Variants in MAN1A1 observed in about 807,000 individuals in gnomAD.
The protein encoded by MAN1A1 is mannosidase alpha class 1A member 1, also known as mannosyl-oligosaccharide 1,2-alpha-mannosidase IA.
MAN1A1 carries 29 observed loss-of-function variants against 70.8 expected under a neutral mutation model. The observed-to-expected ratio is 0.41, with a 90% CI of 0.31 to 0.56. The LOEUF (loss-of-function observed/expected upper bound fraction) is 0.56. MAN1A1 is among the 20% of genes least tolerant of loss of function. MAN1A1 has a pLI of 0.29. For missense variants in MAN1A1, 747 were observed against 841.3 expected, an observed-to-expected ratio of 0.89 and a Z score of 1.39; for synonymous variants, 349 against 330.1, an observed-to-expected ratio of 1.06 and a Z score of -0.62.
At chr6:119,268,922 T>C (rs1036340068) in intron 5 of MAN1A1, among the ~76,000 whole-genome samples, 2 of 152,158 alleles carry the variant, frequency 1.3e-5, no homozygotes, top group Non-Finnish European at 2.9e-5. Context: ...GAGTAGGCCA[T>C]AGACAAACTA....
chr6:119,220,342 T>C (rs1774325546), intron 6 of MAN1A1, among the ~76,000 whole-genome samples: 1 of 152,112 alleles, frequency 6.6e-6, no homozygotes, highest in Non-Finnish European at 1.5e-5. Context: ...ACTTGGTGAG[T>C]TTAAAGATAC....
chr6:119,219,199 A>G (rs1774289918), intron 6 of MAN1A1, among the ~76,000 whole-genome samples: 1 of 151,166 alleles, frequency 6.6e-6, no homozygotes, highest in Non-Finnish European at 1.5e-5. Context: ...TTTTTTCTTT[A>G]TAGAGATTTA....
intron 6 of MAN1A1, among the ~76,000 whole-genome samples, chr6:119,218,846 C>G (rs1420377594): frequency 6.6e-6 from 1 of 152,126 alleles, no homozygotes; most frequent in African/African-American, 2.4e-5. Context: ...CAACCTTGAA[C>G]TGGAATAACT....
intron 8 of MAN1A1, among the ~76,000 whole-genome samples, chr6:119,199,830 TAGCTTGAGCCC>T (rs1271413689): frequency 2.0e-5 from 3 of 151,554 alleles, no homozygotes; most frequent in Non-Finnish European, 4.4e-5. Context: ...GGTGGGAAGA[TAGCTTGAGCCC>T]AGCTTGAGCC....
intron 11 of MAN1A1, among the ~76,000 whole-genome samples, chr6:119,184,727 C>A (rs1300388319): frequency 1.3e-5 from 2 of 151,468 alleles, no homozygotes; most frequent in Non-Finnish European, 2.9e-5. Flanking sequence ...CCCCCTAAAG[C>A]CAAAAAAAAA....
chr6:119,331,938 G>A (rs1773328128), intron 2 of MAN1A1: 3 of 509,676 alleles, frequency 5.9e-6, no homozygotes, highest in African/African-American at 1.9e-5. Context: ...AGACAGACCT[G>A]GATTTCAACC....
intron 2 of MAN1A1, among the ~76,000 whole-genome samples, chr6:119,313,394 C>T (rs894559413): frequency 6.6e-6 from 1 of 152,170 alleles, no homozygotes; most frequent in Non-Finnish European, 1.5e-5. Context: ...AAAAAGCCCT[C>T]TAGCCATGAT....
chr6:119,236,887 T>C (rs1325376788), intron 6 of MAN1A1, among the ~76,000 whole-genome samples: 1 of 130,170 alleles, frequency 7.7e-6, no homozygotes, highest in Non-Finnish European at 1.7e-5. Context: ...TTGTAATTTA[T>C]GGGAGGAAGT....
In MAN1A1 at chr6:119,348,515, C is replaced by A. The variant is rs768644284; in HGVS notation, c.551G>T (p.Ser184Ile). The A allele has an allele frequency of 1.2e-6, 2 of 1,611,500 alleles. No individual in the cohort carries two copies. The highest frequency in any genetic ancestry group is 2.7e-5 in the African/African-American group (2 of 74,872). The change falls in exon 2 of 13, where the codon AGC becomes ATC. Residue 184 changes from serine (S) to isoleucine (I), a missense_variant. Physicochemically the swap from Ser to Ile is moderately radical, Grantham distance 142. Transcript: ENST00000368468. The stretch of plus-strand genomic sequence containing the variant: ...GATGGCGGCGTCGGCGGGCTCCCGG[C>A]TCTCCACCCCGATTGGGGGCACGAA... ...VDFVPPIGVESREPADAAIRE... is the reference protein window; with the variant it reads ...VDFVPPIGVEIREPADAAIRE...
chr6:119,255,691 A>C (rs1447326019), intron 5 of MAN1A1, among the ~76,000 whole-genome samples: 1 of 152,154 alleles, frequency 6.6e-6, no homozygotes, highest in Non-Finnish European at 1.5e-5. Context: ...CTGATGTGGG[A>C]TGGTTTACTG....
chr6:119,227,486 T>C (rs1440535298), intron 6 of MAN1A1, among the ~76,000 whole-genome samples: 1 of 152,220 alleles, frequency 6.6e-6, no homozygotes, highest in Non-Finnish European at 1.5e-5. Context: ...TTCATTGTTT[T>C]GTTTGTTTTT....
rs569954263 is a variant in MAN1A1 at position 119,179,882 on chromosome 6, G to A, written c.1899C>T (p.Ser633=). 51 of 1,611,594 alleles carry A rather than the reference G, an allele frequency of 3.2e-5. No homozygotes were observed. Among genetic ancestry groups the A allele is most frequent in the East Asian group, 6.7e-5 (3 of 44,850 alleles). ...LLPLEHWIFN[S]EAHLLPILPK... ...GGAGGATAGGGAGAAGATGTGCCTCGCTATTGAAGATCCAATGCTCCAGTG... is the reference window on the plus strand; with the variant it reads ...GGAGGATAGGGAGAAGATGTGCCTCACTATTGAAGATCCAATGCTCCAGTG... The change falls in exon 13 of 13, where the codon AGC becomes AGT. Residue 633 remains serine (S), a synonymous_variant. Transcript: ENST00000368468.
chr6:119,321,049 T>C (rs552456017), intron 2 of MAN1A1, among the ~76,000 whole-genome samples: 3 of 152,368 alleles, frequency 2.0e-5, no homozygotes, highest in Admixed American at 6.5e-5. Flanking sequence ...TTACAGGGTA[T>C]CATAGCTGAA....
intron 8 of MAN1A1, among the ~76,000 whole-genome samples, chr6:119,194,447 C>G (rs1416739136): frequency 6.6e-6 from 1 of 152,136 alleles, no homozygotes; most frequent in Non-Finnish European, 1.5e-5. Context: ...CTTCAGCCTC[C>G]CAAGTGGCTG....
chr6:119,238,883 C>CTATTAT (rs757891513), intron 6 of MAN1A1, among the ~76,000 whole-genome samples: 3 of 151,542 alleles, frequency 2.0e-5, no homozygotes, highest in Admixed American at 6.6e-5. Flanking sequence ...GAAACTGGGT[C>CTATTAT]TATTATTATT....
intron 6 of MAN1A1, among the ~76,000 whole-genome samples, chr6:119,242,486 A>G (rs1775039434): frequency 6.6e-6 from 1 of 152,178 alleles, no homozygotes; most frequent in Non-Finnish European, 1.5e-5. Flanking sequence ...TGAACAGGTC[A>G]GGAGCACTGA....
chr6:119,305,502 C>G (rs1009666486), intron 3 of MAN1A1, among the ~76,000 whole-genome samples: 1 of 150,910 alleles, frequency 6.6e-6, no homozygotes, highest in African/African-American at 2.4e-5. Flanking sequence ...CCTAAAAACA[C>G]TACTTTAGAA....
At chr6:119,228,236 G>A (rs1359908680) in intron 6 of MAN1A1, among the ~76,000 whole-genome samples, 2 of 152,048 alleles carry the variant, frequency 1.3e-5, no homozygotes, top group South Asian at 2.1e-4. Flanking sequence ...ACTGAAGAAA[G>A]TTTTACCTTT....
rs750548527 is a variant in MAN1A1 at position 119,244,795 on chromosome 6, C to T, written c.992+3465G>A. On this transcript the variant is annotated intron_variant, in intron 6 of 12. Transcript: ENST00000368468. Reference sequence around the variant, plus strand: ...CAATTACATGTGTGAGTGTGTAACACACAAAAATAAATTCTGCTTTACCAA... The same window carrying T: ...CAATTACATGTGTGAGTGTGTAACATACAAAAATAAATTCTGCTTTACCAA... Among the ~76,000 whole-genome samples the T allele has an allele frequency of 6.6e-5, 10 of 152,120 alleles. 1 individual carries two copies. Among genetic ancestry groups the T allele is most frequent in the Admixed American group, 5.9e-4 (9 of 15,264 alleles).
Sources: gnomAD v4.1 joint callset for allele counts (sites outside exome capture counted in the v4.1 genomes callset) on GRCh38, gnomAD v4.1.1 for gene constraint, MANE v1.5 for transcripts, NCBI Gene and HGNC (gene_info 2026-07-23, HGNC 2026-07-21) for gene names.